The following ADGRV1 variants were observed in gnomAD, a reference collection of about 807,000 sequenced individuals.
ADGRV1 encodes G-protein coupled receptor 98.
ADGRV1 carries 359 observed loss-of-function variants against 596.2 expected under a neutral mutation model. The ratio of observed to expected loss-of-function variants is 0.60; its 90% CI spans 0.55 to 0.66. ADGRV1 has a LOEUF of 0.66. Among genes scored for constraint, ADGRV1 ranks in the 30% least tolerant of loss-of-function variants. The probability of loss-of-function intolerance (pLI) is 0.00; values close to 1 mark genes in which losing one functional copy is unlikely to be tolerated. For synonymous variants in ADGRV1, 2,681 were observed against 2,679.2 expected (o/e 1.00, Z -0.02); for missense variants, 7,274 against 7,575.6 (o/e 0.96, Z 1.48).
Position 90,635,107 on chromosome 5 carries a change from A to G in ADGRV1, c.1840-7A>G, listed in dbSNP as rs769655281. On this transcript the variant is annotated splice_polypyrimidine_tract_variant and splice_region_variant and intron_variant, in intron 9 of 89. Transcript: ENST00000405460. ...CTTACTACTTTTTGTGTATTTGTTT[A>G]TTATAGTTGGAAACTGTGGAGTTGT... The G allele has an allele frequency of 6.4e-7, 1 of 1,553,436 alleles. No homozygotes were observed. Among genetic ancestry groups the G allele is most frequent in the South Asian group, 1.1e-5 (1 of 87,524 alleles).
intron 1 of ADGRV1, among the ~76,000 whole-genome samples, chr5:90,610,501 T>G (rs966494676): frequency 6.6e-6 from 1 of 151,992 alleles, no homozygotes; most frequent in Non-Finnish European, 1.5e-5. Flanking sequence ...TTTGTCTAAG[T>G]GTCTTATTAG....
rs763406021 is a variant in ADGRV1 at position 90,653,570 on chromosome 5, A to G, written c.3996A>G (p.Gly1332=). Residue 1332 remains glycine, a synonymous_variant, in exon 20 of 90, where the codon GGA becomes GGG. Transcript: ENST00000405460. ...HSGTDALYFT[G]LEGAFGTVNP... The stretch of plus-strand genomic sequence containing the variant: ...GAACGGATGCTTTGTACTTTACCGG[A>G]CTAGAGGGTGCATTTGGGACTGTTA... 2.9e-5 allele frequency: 46 copies of G among 1,613,802 alleles called. No individual in the cohort carries two copies. The highest frequency in any genetic ancestry group is 1.1e-5 in the South Asian group (1 of 91,082).
intron 58 of ADGRV1, among the ~76,000 whole-genome samples, chr5:90,760,275 C>T (rs1196825830): frequency 6.4e-5 from 5 of 77,578 alleles, no homozygotes; most frequent in Admixed American, 2.8e-4. Context: ...GACTTCGTCT[C>T]AAAAAAAAAA....
At chr5:90,931,172 C>T (rs974348342) in intron 83 of ADGRV1, 4 of 152,088 alleles carry the variant, frequency 2.6e-5, no homozygotes, top group African/African-American at 7.3e-5. Flanking sequence ...GACAGAATGT[C>T]GTGTATGGAT....
At chr5:90,668,407 G>A (rs1314029039) in intron 21 of ADGRV1, among the ~76,000 whole-genome samples, 2 of 152,176 alleles carry the variant, frequency 1.3e-5, no homozygotes, top group Non-Finnish European at 2.9e-5. Flanking sequence ...CTTTGACTAG[G>A]AAAGGGAACT....
At chr5:91,024,610 A>G (rs1783879582) in intron 85 of ADGRV1, among the ~76,000 whole-genome samples, 1 of 152,166 alleles carries the variant, frequency 6.6e-6, no homozygotes, top group Admixed American at 6.6e-5. Context: ...TCGTAGGCAT[A>G]CTTCATAATG....
chr5:90,883,157 G>A (rs1581412240), intron 83 of ADGRV1, among the ~76,000 whole-genome samples: 1 of 152,120 alleles, frequency 6.6e-6, no homozygotes, highest in Non-Finnish European at 1.5e-5. Context: ...CAACTGTGAA[G>A]AATCATTATT....
At chr5:90,931,860 C>G (rs887649191) in intron 83 of ADGRV1, among the ~76,000 whole-genome samples, 3 of 152,068 alleles carry the variant, frequency 2.0e-5, no homozygotes, top group Non-Finnish European at 4.4e-5. Flanking sequence ...TTCCTTGCTG[C>G]TTAAATAAAT....
intron 50 of ADGRV1, among the ~76,000 whole-genome samples, chr5:90,742,058 A>T (rs1395808233): frequency 2.6e-5 from 4 of 152,198 alleles, no homozygotes; most frequent in Non-Finnish European, 5.9e-5. Context: ...AGTAGTTAAT[A>T]GATATTTTTA....
chr5:90,737,451 T>C (rs1753389423), intron 50 of ADGRV1, among the ~76,000 whole-genome samples: 1 of 151,970 alleles, frequency 6.6e-6, no homozygotes, highest in African/African-American at 2.4e-5. Flanking sequence ...GTCTATTTGG[T>C]CTACAGTGTA....
intron 1 of ADGRV1, among the ~76,000 whole-genome samples, chr5:90,577,551 G>C (rs927090275): frequency 4.6e-5 from 7 of 152,166 alleles, no homozygotes; most frequent in Non-Finnish European, 1.0e-4. Flanking sequence ...CAGGTAGTGT[G>C]TTGCCTCCAG....
At chr5:90,928,838 T>C (rs1244163149) in intron 83 of ADGRV1, among the ~76,000 whole-genome samples, 1 of 150,800 alleles carries the variant, frequency 6.6e-6, no homozygotes, top group Non-Finnish European at 1.5e-5. Context: ...GTTTGTTAGT[T>C]TTCCTTCTAA....
intron 83 of ADGRV1, among the ~76,000 whole-genome samples, chr5:90,910,722 A>C (rs1772808666): frequency 1.3e-5 from 2 of 152,014 alleles, no homozygotes; most frequent in African/African-American, 4.8e-5. Context: ...TGGTCATCTG[A>C]TTGGAAATTT....
At chr5:90,989,669 T>C (rs1780805071) in intron 85 of ADGRV1, among the ~76,000 whole-genome samples, 1 of 152,222 alleles carries the variant, frequency 6.6e-6, no homozygotes, top group Admixed American at 6.5e-5. Flanking sequence ...AATGGTTGCC[T>C]TTTGTTACCT....
At position 90,977,772 on chromosome 5, in the gene ADGRV1, A is replaced by C. The variant is rs916846273; in HGVS notation, c.17974-7572A>C. ...GCTTATAGACACAGTCTTTTAGTTT[A>C]CTGCTATCTATATTTGACCTAAATT... On this transcript the variant is annotated intron_variant, in intron 84 of 89. Coordinates refer to ENST00000405460, the MANE Select transcript of ADGRV1 (RefSeq NM_032119.4). Among the ~76,000 whole-genome samples the C allele has an allele frequency of 2.0e-5, 3 of 152,174 alleles. No homozygotes were observed. In the South Asian group the frequency reaches 6.2e-4, roughly 31 times the overall value.
At chr5:90,793,734 ATT>A (rs141159103) in intron 70 of ADGRV1, among the ~76,000 whole-genome samples, 113 of 152,274 alleles carry the variant, frequency 7.4e-4, no homozygotes, top group African/African-American at 2.3e-3. Context: ...ATTTCTTAAT[ATT>A]GTCTTTGAAC....
intron 60 of ADGRV1, among the ~76,000 whole-genome samples, chr5:90,775,383 T>G (rs1758118853): frequency 6.6e-6 from 1 of 152,202 alleles, no homozygotes; most frequent in Admixed American, 6.5e-5. Flanking sequence ...TTCATAAGTC[T>G]TTAGTTATCT....
chr5:90,919,080 C>T (rs1773641160), intron 83 of ADGRV1, among the ~76,000 whole-genome samples: 1 of 152,230 alleles, frequency 6.6e-6, no homozygotes, highest in South Asian at 2.1e-4. Flanking sequence ...TTTCAAATTA[C>T]ATGCATCCTC....
intron 9 of ADGRV1, among the ~76,000 whole-genome samples, chr5:90,631,206 A>G (rs1011580618): frequency 6.6e-6 from 1 of 152,192 alleles, no homozygotes; most frequent in Non-Finnish European, 1.5e-5. Context: ...GAAATGATTT[A>G]TCTTTTAGAT....
Sources: gnomAD v4.1 joint callset for allele counts (sites outside exome capture counted in the v4.1 genomes callset) on GRCh38, gnomAD v4.1.1 for gene constraint, MANE v1.5 for transcripts, NCBI Gene and HGNC (gene_info 2026-07-23, HGNC 2026-07-21) for gene names.